ATRX: variants seen among roughly 807,000 people sequenced by gnomAD.
ATRX encodes the protein ATRX chromatin remodeler, also known as chromatin remodeler ATRX.
ATRX carries 12 observed loss-of-function variants against 172.6 expected under a neutral mutation model. The ratio of observed to expected loss-of-function variants is 0.07; its 90% CI spans 0.04 to 0.11. The LOEUF is 0.11. ATRX is among the 10% of genes least tolerant of loss of function. ATRX has a pLI of 1.00. For synonymous variants in ATRX, 674 were observed against 594.7 expected, an observed-to-expected ratio of 1.13 and a Z score of -1.94; for missense variants, 1,368 against 1,767.4, an observed-to-expected ratio of 0.77 and a Z score of 4.05.
intron 2 of ATRX, among the ~76,000 whole-genome samples, chrX:77,708,386 C>T (rs1311730336): frequency 4.4e-5 from 5 of 112,370 alleles, no homozygotes; most frequent in Non-Finnish European, 9.4e-5. Context: ...ATAGGCCAGG[C>T]GCAGTGGCTC....
chrX:77,549,440 A>C, intron 30 of ATRX, among the ~76,000 whole-genome samples: 1 of 112,199 alleles, frequency 8.9e-6, no homozygotes, highest in African/African-American at 3.2e-5. Context: ...CTGTATAATT[A>C]ATAAGTTTAT....
chrX:77,771,943 T>C (rs1475229070), intron 1 of ATRX, among the ~76,000 whole-genome samples: 1 of 111,684 alleles, frequency 9.0e-6, no homozygotes, highest in Non-Finnish European at 1.9e-5. Flanking sequence ...AAAATGTCTA[T>C]AGTGCCAAGG....
chrX:77,519,389 G>A (rs367762504), intron 34 of ATRX, among the ~76,000 whole-genome samples: 26 of 111,444 alleles, frequency 2.3e-4, no homozygotes, highest in African/African-American at 8.5e-4. Context: ...ATGGCAAACA[G>A]GCATAGGAAA....
At chrX:77,727,190 G>T (rs2074084972) in intron 1 of ATRX, among the ~76,000 whole-genome samples, 1 of 111,446 alleles carries the variant, frequency 9.0e-6, no homozygotes, top group Admixed American at 9.6e-5. Context: ...ACAGATGCTG[G>T]AGAGGATGTG....
chrX:77,755,217 T>C (rs2075445633), intron 1 of ATRX, among the ~76,000 whole-genome samples: 1 of 112,697 alleles, frequency 8.9e-6, no homozygotes, highest in African/African-American at 3.2e-5. Context: ...CTGGTTATTC[T>C]AGTTAGCAGT....
At chrX:77,575,799 T>G (rs1304193865) in intron 27 of ATRX, 1 of 111,868 alleles carries the variant, frequency 8.9e-6, no homozygotes, top group African/African-American at 3.2e-5. Flanking sequence ...AGGGTTGTTA[T>G]GAGGATTCAA....
chrX:77,623,906 T>A (rs782797235), intron 19 of ATRX, among the ~76,000 whole-genome samples: 1 of 111,937 alleles, frequency 8.9e-6, no homozygotes, highest in African/African-American at 3.2e-5. Flanking sequence ...CATATCTTAA[T>A]GTAATAAAAG....
chrX:77,510,535 C>A (rs2062835282), intron 34 of ATRX, among the ~76,000 whole-genome samples: 1 of 109,300 alleles, frequency 9.1e-6, no homozygotes, highest in South Asian at 4.0e-4. Flanking sequence ...CATTTGTGGA[C>A]CTTCCCTGGG....
At chrX:77,785,049 C>T (rs1557206981) in intron 1 of ATRX, among the ~76,000 whole-genome samples, 1 of 111,454 alleles carries the variant, frequency 9.0e-6, no homozygotes, top group Non-Finnish European at 1.9e-5. Flanking sequence ...CCCAAATTTT[C>T]AGACCCGTCA....
At chrX:77,602,305 C>G (rs781998973) in intron 22 of ATRX, among the ~76,000 whole-genome samples, 2 of 111,298 alleles carry the variant, frequency 1.8e-5, no homozygotes, top group Admixed American at 1.9e-4. Context: ...CCACTGTAGT[C>G]GGCACTTATT....
intron 1 of ATRX, among the ~76,000 whole-genome samples, chrX:77,725,570 T>C (rs1248134271): frequency 2.7e-5 from 3 of 111,677 alleles, no homozygotes; most frequent in African/African-American, 9.8e-5. Context: ...GGGCAAGGAC[T>C]TCATGTCTAA....
At chrX:77,751,711 T>A (rs1286977488) in intron 1 of ATRX, among the ~76,000 whole-genome samples, 1 of 111,990 alleles carries the variant, frequency 8.9e-6, no homozygotes, top group Non-Finnish European at 1.9e-5. Context: ...AAAGAAGGGG[T>A]CCAGTTTCTG....
intron 27 of ATRX, among the ~76,000 whole-genome samples, chrX:77,587,605 A>C (rs2066076921): frequency 8.9e-6 from 1 of 111,919 alleles, no homozygotes; most frequent in Non-Finnish European, 1.9e-5. Context: ...TTGAGGTCTT[A>C]ACCAGGGCAA....
At chrX:77,653,425 T>C (rs1474203879) in intron 14 of ATRX, among the ~76,000 whole-genome samples, 1 of 111,909 alleles carries the variant, frequency 8.9e-6, no homozygotes, top group Non-Finnish European at 1.9e-5. Flanking sequence ...AAATATTATG[T>C]CAATGAAATA....
intron 1 of ATRX, among the ~76,000 whole-genome samples, chrX:77,780,374 C>T (rs1422636192): frequency 2.7e-5 from 3 of 110,839 alleles, no homozygotes; most frequent in South Asian, 7.8e-4. Context: ...CCCTGTCGCC[C>T]AGGCTGCAGT....
chrX:77,604,130 C>A (rs2066800690), intron 22 of ATRX, among the ~76,000 whole-genome samples: 1 of 112,030 alleles, frequency 8.9e-6, no homozygotes, highest in African/African-American at 3.2e-5. Context: ...ACCTCAAAAG[C>A]AAAGCAACTA....
Position 77,652,109 on chromosome X carries a change from G to C in ATRX, c.4557+5C>G, listed in dbSNP as rs2148435077. On this transcript the variant is annotated splice_donor_5th_base_variant and intron_variant, in intron 15 of 34. Coordinates refer to ENST00000373344, the MANE Select transcript of ATRX (RefSeq NM_000489.6). ...AAGAAAAAGAAGAAGAAAGAAATTAGTTACCTCTCTCAATTTTTCTCGCTC... is the reference window on the plus strand; with the variant it reads ...AAGAAAAAGAAGAAGAAAGAAATTACTTACCTCTCTCAATTTTTCTCGCTC... 8.3e-7 allele frequency: 1 copy of C among 1,209,015 alleles called. No individual in the cohort carries two copies. The highest frequency in any genetic ancestry group is 1.1e-6 in the Non-Finnish European group (1 of 893,907).
intron 28 of ATRX, among the ~76,000 whole-genome samples, chrX:77,560,619 G>A (rs1466953686): frequency 1.8e-5 from 2 of 111,140 alleles, no homozygotes; most frequent in African/African-American, 3.3e-5. Context: ...TGACTAAAAT[G>A]CCATACTAAT....
At chrX:77,757,569 A>T (rs2075550128) in intron 1 of ATRX, among the ~76,000 whole-genome samples, 1 of 111,317 alleles carries the variant, frequency 9.0e-6, no homozygotes, top group African/African-American at 3.3e-5. Context: ...TCTTTGAAAA[A>T]CTCCTCTAAC....
Sources: allele counts gnomAD v4.1 joint callset (sites outside exome capture counted in the v4.1 genomes callset), GRCh38; gene constraint gnomAD v4.1.1; transcripts MANE v1.5; gene names NCBI Gene and HGNC (gene_info 2026-07-23, HGNC 2026-07-21).